The following PRKAR1A variants were observed in gnomAD, a reference collection of about 807,000 sequenced individuals.
PRKAR1A encodes the protein protein kinase cAMP-dependent type I regulatory subunit alpha.
PRKAR1A carries 3 observed loss-of-function variants against 52.0 expected under a neutral mutation model. That is an observed-to-expected ratio of 0.06 (90% CI 0.03 to 0.15). The LOEUF (loss-of-function observed/expected upper bound fraction) is 0.15, where lower values mean the gene tolerates loss of function less well. PRKAR1A is among the 10% of genes least tolerant of loss of function. The pLI, the probability that PRKAR1A is intolerant of heterozygous loss-of-function variation, is 1.00. For synonymous variants in PRKAR1A, 188 were observed against 168.4 expected (o/e 1.12, Z -0.90); for missense variants, 240 against 477.4 (o/e 0.50, Z 4.63).
the PRKAR1A span, among the ~76,000 whole-genome samples, chr17:68,453,299 A>G: frequency 1.3e-5 from 2 of 152,218 alleles, no homozygotes; most frequent in African/African-American, 4.8e-5. Flanking sequence ...CACTGGGCAG[A>G]TAACAGGAAA....
At chr17:68,458,677 C>G in the PRKAR1A span, among the ~76,000 whole-genome samples, 1 of 152,202 alleles carries the variant, frequency 6.6e-6, no homozygotes, top group African/African-American at 2.4e-5. Context: ...TTTTTAAAAG[C>G]TGAGTACTGT....
chr17:68,540,750 C>T (rs1568719976), intron 11 of PRKAR1A: 8 of 1,436,656 alleles, frequency 5.6e-6, no homozygotes, highest in Non-Finnish European at 2.9e-6. Context: ...GTTACTCAGT[C>T]CTCATGAACC....
Sources: gnomAD v4.1 joint callset for allele counts (sites outside exome capture counted in the v4.1 genomes callset) on GRCh38, gnomAD v4.1.1 for gene constraint, MANE v1.5 for transcripts, NCBI Gene and HGNC (gene_info 2026-07-23, HGNC 2026-07-21) for gene names.